SSH2: variants seen among roughly 807,000 people sequenced by gnomAD.
SSH2 encodes the protein protein phosphatase Slingshot homolog 2.
In SSH2, 37 loss-of-function variants were observed where a neutral mutation model predicts 135.2. The observed-to-expected ratio is 0.27, with a 90% CI of 0.21 to 0.36. SSH2 has a LOEUF of 0.36. Among genes scored for constraint, SSH2 ranks in the 10% least tolerant of loss-of-function variants. The pLI is 1.00. For missense variants in SSH2, 1,408 were observed against 1,765.3 expected (o/e 0.80, Z 3.63); for synonymous variants, 628 against 646.2 (o/e 0.97, Z 0.43).
At chr17:29,759,822 T>C (rs572329028) in intron 3 of SSH2, among the ~76,000 whole-genome samples, 145 of 152,358 alleles carry the variant, frequency 9.5e-4, no homozygotes, top group African/African-American at 3.3e-3. Context: ...CATCCATCCA[T>C]GGACACTTGG....
intron 2 of SSH2, among the ~76,000 whole-genome samples, chr17:29,794,834 T>C (rs1055602428): frequency 2.0e-5 from 3 of 152,332 alleles, no homozygotes; most frequent in African/African-American, 7.2e-5. Context: ...CATTTACCTC[T>C]CCTTGCCCTG....
chr17:29,899,123 G>A (rs1248278027), intron 1 of SSH2, among the ~76,000 whole-genome samples: 1 of 152,000 alleles, frequency 6.6e-6, no homozygotes, highest in Admixed American at 6.6e-5. Context: ...TTGATGGGAC[G>A]TATCTCAAAA....
chr17:29,781,323 G>T (rs1567970301), intron 3 of SSH2, among the ~76,000 whole-genome samples: 2 of 151,754 alleles, frequency 1.3e-5, no homozygotes, highest in African/African-American at 4.8e-5. Flanking sequence ...CTATCTCAAA[G>T]ATAAAAAATA....
rs2035536711 is a variant in SSH2 at position 29,627,640 on chromosome 17, T to C, written c.*3201A>G. The stretch of plus-strand genomic sequence containing the variant: ...CCTGAAGAGACTAAGATGATAGGAA[T>C]GATCCCAAACATTTAGAATCTGAAA... On this transcript the variant is annotated 3_prime_UTR_variant, in exon 16 of 16. Coordinates refer to ENST00000540801, the MANE Select transcript of SSH2 (RefSeq NM_001282129.2). 1 of 152,628 alleles carries C rather than the reference T, an allele frequency of 6.6e-6. No homozygotes were observed. Among genetic ancestry groups the C allele is most frequent in the Non-Finnish European group, 1.5e-5 (1 of 68,034 alleles). The allele number at this position is 152,628 out of a possible 1,614,324, so 9.5% of individuals were successfully genotyped here.
intron 3 of SSH2, among the ~76,000 whole-genome samples, chr17:29,757,821 G>A (rs1269787128): frequency 1.3e-5 from 2 of 151,678 alleles, no homozygotes; most frequent in Non-Finnish European, 2.9e-5. Context: ...GGGCGCCAGA[G>A]GTTGCAGTGA....
At chr17:29,886,016 G>T (rs969561334) in intron 1 of SSH2, among the ~76,000 whole-genome samples, 1 of 152,158 alleles carries the variant, frequency 6.6e-6, no homozygotes, top group African/African-American at 2.4e-5. Flanking sequence ...AGGTAGTGGG[G>T]CACTGCTATA....
At chr17:29,663,444 G>A (rs2151026439) in intron 11 of SSH2, among the ~76,000 whole-genome samples, 1 of 152,352 alleles carries the variant, frequency 6.6e-6, no homozygotes, top group South Asian at 2.1e-4. Flanking sequence ...GGATATGGCA[G>A]TGTAAACAAA....
intron 15 of SSH2, among the ~76,000 whole-genome samples, chr17:29,635,006 G>A (rs961205012): frequency 6.6e-6 from 1 of 151,944 alleles, no homozygotes; most frequent in Non-Finnish European, 1.5e-5. Context: ...AGGTTCAAGT[G>A]ATTCTCCTGC....
intron 1 of SSH2, chr17:29,856,352 T>C (rs2065662496): frequency 4.6e-6 from 1 of 215,920 alleles, no homozygotes; most frequent in African/African-American, 2.4e-5. Flanking sequence ...GTTGTCCAGC[T>C]ACAGCAACAA....
At position 29,683,790 on chromosome 17, in the gene SSH2, G is replaced by C. The variant is rs1003799594; in HGVS notation, c.479+773C>G. ...AAAATAAGGAAAAAAAAAAAAAAAAGACCAAATAGCTGGGTATGGTGGTGC... is the reference window on the plus strand; with the variant it reads ...AAAATAAGGAAAAAAAAAAAAAAAACACCAAATAGCTGGGTATGGTGGTGC... On this transcript the variant is annotated intron_variant, in intron 6 of 15. Coordinates refer to ENST00000540801, the MANE Select transcript of SSH2 (RefSeq NM_001282129.2). Among the ~76,000 whole-genome samples, 3 of 147,554 alleles carry C rather than the reference G, an allele frequency of 2.0e-5. No individual in the cohort carries two copies. The East Asian group carries it at 6.0e-4, about 30-fold the overall frequency.
At chr17:29,737,907 C>A (rs1251552850) in intron 3 of SSH2, among the ~76,000 whole-genome samples, 1 of 142,974 alleles carries the variant, frequency 7.0e-6, no homozygotes. Flanking sequence ...GCTGGCTGAC[C>A]TTGAGAAAGT....
At chr17:29,642,575 C>G (rs538206900) in intron 14 of SSH2, among the ~76,000 whole-genome samples, 11 of 151,988 alleles carry the variant, frequency 7.2e-5, no homozygotes, top group Admixed American at 1.3e-4. Flanking sequence ...ACCACCCCCC[C>G]CACCGCCTCT....
intron 2 of SSH2, among the ~76,000 whole-genome samples, chr17:29,802,602 C>A (rs1160086607): frequency 9.1e-6 from 1 of 109,434 alleles, no homozygotes; most frequent in African/African-American, 3.7e-5. Flanking sequence ...GGACACATAG[C>A]GAAACACTGT....
At chr17:29,868,794 G>A (rs890998097) in intron 1 of SSH2, among the ~76,000 whole-genome samples, 4 of 151,184 alleles carry the variant, frequency 2.6e-5, no homozygotes, top group African/African-American at 9.7e-5. Context: ...AAGCCCTGTC[G>A]AATATTGGTC....
intron 3 of SSH2, among the ~76,000 whole-genome samples, chr17:29,766,527 C>A (rs1172841038): frequency 6.6e-6 from 1 of 151,892 alleles, no homozygotes; most frequent in East Asian, 1.9e-4. Context: ...ACCACCATTT[C>A]ATCCAAGAAG....
intron 1 of SSH2, among the ~76,000 whole-genome samples, chr17:29,862,359 T>C (rs1413231758): frequency 6.6e-6 from 1 of 152,240 alleles, no homozygotes; most frequent in Non-Finnish European, 1.5e-5. Flanking sequence ...ACAGTAAACA[T>C]TCAATAAATG....
intron 2 of SSH2, among the ~76,000 whole-genome samples, chr17:29,843,423 G>C (rs1599077736): frequency 6.6e-6 from 1 of 152,188 alleles, no homozygotes; most frequent in South Asian, 2.1e-4. Flanking sequence ...AGGCATGGGT[G>C]GTGCATGCCT....
chr17:29,657,945 A>C (rs901607794), intron 11 of SSH2, among the ~76,000 whole-genome samples: 1 of 149,940 alleles, frequency 6.7e-6, no homozygotes, highest in Non-Finnish European at 1.5e-5. Flanking sequence ...CATAATATTG[A>C]CATATCGACA....
intron 1 of SSH2, among the ~76,000 whole-genome samples, chr17:29,859,887 T>C (rs533095968): frequency 7.2e-5 from 11 of 152,134 alleles, no homozygotes; most frequent in Non-Finnish European, 1.5e-4. Context: ...GCTCTTGTTT[T>C]CCAGGCTGGA....
Sources: gnomAD v4.1 joint callset for allele counts (sites outside exome capture counted in the v4.1 genomes callset) on GRCh38, gnomAD v4.1.1 for gene constraint, MANE v1.5 for transcripts, NCBI Gene and HGNC (gene_info 2026-07-23, HGNC 2026-07-21) for gene names.